The following AFF2 variants were observed in gnomAD, a reference collection of about 807,000 sequenced individuals.
The protein encoded by AFF2 is AF4/FMR2 family member 2.
In AFF2, 14 loss-of-function variants were observed where a neutral mutation model predicts 76.9. The observed-to-expected ratio is 0.18, with a 90% CI of 0.12 to 0.28. The LOEUF (loss-of-function observed/expected upper bound fraction) is 0.28, where lower values mean the gene tolerates loss of function less well. Ranked by LOEUF, AFF2 falls within the 10% of genes least tolerant of loss-of-function variation. AFF2 has a pLI of 1.00. For synonymous variants in AFF2, 398 were observed against 366.7 expected, an observed-to-expected ratio of 1.09 and a Z score of -0.98; for missense variants, 868 against 1,001.1, an observed-to-expected ratio of 0.87 and a Z score of 1.79.
chrX:148,983,968 A>AAAAAAAAAAAAAAAAC (rs1431816827), intron 19 of AFF2, among the ~76,000 whole-genome samples: 1 of 103,450 alleles, frequency 9.7e-6, no homozygotes, highest in Non-Finnish European at 2.0e-5. Flanking sequence ...AAAAAAAAAA[A>AAAAAAAAAAAAAAAAC]CTGCCCTCAT....
chrX:148,874,109 A>T (rs73638201), intron 7 of AFF2, among the ~76,000 whole-genome samples: 111 of 111,391 alleles, frequency 1.0e-3, no homozygotes, highest in Middle Eastern at 4.7e-3. Flanking sequence ...GCACCCTCTT[A>T]CCTGAAGCCA....
At chrX:148,986,751 T>A (rs1422489192) in intron 19 of AFF2, among the ~76,000 whole-genome samples, 2 of 113,298 alleles carry the variant, frequency 1.8e-5, no homozygotes, top group African/African-American at 6.4e-5. Flanking sequence ...TAGACCAATA[T>A]TGGACATCAA....
At chrX:148,595,826 T>C (rs2053566251) in intron 1 of AFF2, among the ~76,000 whole-genome samples, 1 of 112,066 alleles carries the variant, frequency 8.9e-6, no homozygotes, top group African/African-American at 3.2e-5. Flanking sequence ...AACTAAATGC[T>C]CATTTTCCAC....
rs1202327018 is a variant in AFF2 at position 148,502,430 on chromosome X, C to A, written c.47+1286C>A. 2.7e-5 allele frequency among the ~76,000 whole-genome samples: 3 copies of A among 112,158 alleles called. No homozygotes were observed. In the Admixed American group the frequency reaches 2.8e-4, roughly 11 times the overall value. ...AATCATGCCTCCTTTAGTTGCAAATCCAAGATAGTCAGAACTTAAATACAT... is the reference window on the plus strand; with the variant it reads ...AATCATGCCTCCTTTAGTTGCAAATACAAGATAGTCAGAACTTAAATACAT... On this transcript the variant is annotated intron_variant, in intron 1 of 20. Coordinates refer to ENST00000370460, the MANE Select transcript of AFF2 (RefSeq NM_002025.4).
intron 3 of AFF2, among the ~76,000 whole-genome samples, chrX:148,691,185 C>G (rs1286259870): frequency 9.0e-6 from 1 of 111,321 alleles, no homozygotes; most frequent in Non-Finnish European, 1.9e-5. Flanking sequence ...TAGATTCTAC[C>G]CCAAAAGGGT....
chrX:148,967,639 G>C lies in AFF2; in HGVS notation c.3214G>C (p.Ala1072Pro), dbSNP rs782127641. Residue 1072 changes from alanine to proline, a missense_variant, in exon 15 of 21, where the codon GCT becomes CCT. Around this residue, in one of 6 missense-constraint regions of AFF2, gnomAD observed 57 missense variants for 117.8 expected, o/e 0.48. Coordinates refer to ENST00000370460, the MANE Select transcript of AFF2 (RefSeq NM_002025.4). ...GTTTTGTTTATTTAGGGTTCACAAT[G>C]CTGATTATTACATGCAAGAAGCTAA... is the stretch of plus-strand genomic sequence containing the variant. ...KLTFDDSVHN[A>P]DYYMQEAKKL... The C allele has an allele frequency of 8.3e-6, 10 of 1,209,402 alleles. No individual in the cohort carries two copies. In the South Asian group the frequency reaches 1.8e-4, roughly 21 times the overall value.
chrX:148,991,160 AT>A (rs782071556), intron 20 of AFF2, 50 bp from the exon 21 acceptor site: 2 of 1,131,953 alleles, frequency 1.8e-6, no homozygotes, highest in Admixed American at 5.1e-5. Context: ...TGTGGTGCAT[AT>A]TTTCATGATA....
At chrX:148,731,505 G>C (rs1209030628) in intron 3 of AFF2, among the ~76,000 whole-genome samples, 1 of 111,831 alleles carries the variant, frequency 8.9e-6, no homozygotes, top group African/African-American at 3.3e-5. Context: ...TTAGAACAAG[G>C]TAGAAAACTC....
At chrX:148,643,632 A>G (rs1445649543) in intron 1 of AFF2, among the ~76,000 whole-genome samples, 1 of 112,292 alleles carries the variant, frequency 8.9e-6, no homozygotes, top group Non-Finnish European at 1.9e-5. Flanking sequence ...GGATCCTTAG[A>G]TATCTATTGT....
At chrX:148,889,012 C>T (rs1557279421) in intron 8 of AFF2, among the ~76,000 whole-genome samples, 3 of 111,675 alleles carry the variant, frequency 2.7e-5, no homozygotes, top group Admixed American at 9.5e-5. Flanking sequence ...TTTCTGGAGA[C>T]GTCCCCAAAT....
chrX:148,525,317 A>T (rs1390169177), intron 1 of AFF2, among the ~76,000 whole-genome samples: 1 of 111,663 alleles, frequency 9.0e-6, no homozygotes, highest in Non-Finnish European at 1.9e-5. Flanking sequence ...TGTCAATATT[A>T]TATAGCAAAT....
At chrX:148,548,375 A>G (rs782456758) in intron 1 of AFF2, among the ~76,000 whole-genome samples, 1 of 112,280 alleles carries the variant, frequency 8.9e-6, no homozygotes, top group Non-Finnish European at 1.9e-5. Context: ...TGTAACTGCA[A>G]TGTCCATCCA....
At chrX:148,961,533 G>T (rs1162436157) in intron 12 of AFF2, among the ~76,000 whole-genome samples, 1 of 112,106 alleles carries the variant, frequency 8.9e-6, no homozygotes, top group Non-Finnish European at 1.9e-5. Flanking sequence ...AAGTAACATA[G>T]GGCCACATTT....
intron 3 of AFF2, among the ~76,000 whole-genome samples, chrX:148,718,443 G>A (rs142221440): frequency 9.0e-6 from 1 of 111,044 alleles, no homozygotes; most frequent in African/African-American, 3.3e-5. Flanking sequence ...CCCAACACTT[G>A]TATTTATAAT....
chrX:148,878,414 T>A (rs1557278125), intron 7 of AFF2, among the ~76,000 whole-genome samples: 1 of 112,014 alleles, frequency 8.9e-6, no homozygotes, highest in Non-Finnish European at 1.9e-5. Context: ...CTGTGTTACC[T>A]GGAGTACTAC....
intron 1 of AFF2, among the ~76,000 whole-genome samples, chrX:148,634,850 C>A (rs1428194654): frequency 1.8e-5 from 2 of 111,761 alleles, no homozygotes; most frequent in Non-Finnish European, 3.8e-5. Context: ...GGCCTTCAGG[C>A]TCTTCCCTTC....
chrX:148,937,123 A>G (rs10442501), intron 9 of AFF2, among the ~76,000 whole-genome samples: 1,338 of 112,004 alleles, frequency 0.012, 12 homozygotes, highest in Non-Finnish European at 0.017. Flanking sequence ...AAGGCAGGAA[A>G]AAAGTCTGTG....
At chrX:148,505,111 G>C (rs781796315) in intron 1 of AFF2, among the ~76,000 whole-genome samples, 5 of 111,955 alleles carry the variant, frequency 4.5e-5, no homozygotes, top group African/African-American at 1.3e-4. Flanking sequence ...CCTATGGTCT[G>C]TTTTCTTTGC....
intron 1 of AFF2, among the ~76,000 whole-genome samples, chrX:148,575,407 TC>T (rs782068081): frequency 8.9e-6 from 1 of 112,111 alleles, no homozygotes; most frequent in East Asian, 2.8e-4. Flanking sequence ...AATAGACTGT[TC>T]ATTATGTTTT....
Sources: allele counts gnomAD v4.1 joint callset (sites outside exome capture counted in the v4.1 genomes callset), GRCh38; gene constraint gnomAD v4.1.1; regional missense constraint gnomAD v4.1.1; transcripts MANE v1.5; gene names NCBI Gene and HGNC (gene_info 2026-07-23, HGNC 2026-07-21).